The following UTP6 variants were observed in gnomAD, a reference collection of about 807,000 sequenced individuals.
The protein encoded by UTP6 is UTP6 small subunit processome component, also known as U3 small nucleolar RNA-associated protein 6 homolog.
In UTP6, 60 loss-of-function variants were observed where a neutral mutation model predicts 96.5. The observed-to-expected ratio is 0.62, with a 90% CI of 0.51 to 0.77. UTP6 has a LOEUF of 0.77. Among genes scored for constraint, UTP6 ranks in the 30% least tolerant of loss-of-function variants. The probability of loss-of-function intolerance (pLI) is 0.00; values close to 1 mark genes in which losing one functional copy is unlikely to be tolerated. For synonymous variants in UTP6, 215 were observed against 240.1 expected, an observed-to-expected ratio of 0.90 and a Z score of 0.96; for missense variants, 637 against 706.5, an observed-to-expected ratio of 0.90 and a Z score of 1.12.
intron 6 of UTP6, among the ~76,000 whole-genome samples, chr17:31,891,580 C>T (rs1911496355): frequency 6.6e-6 from 1 of 152,162 alleles, no homozygotes; most frequent in South Asian, 2.1e-4. Context: ...ATTTCTCTTA[C>T]AAAACATGAG....
intron 10 of UTP6, among the ~76,000 whole-genome samples, chr17:31,883,996 A>C (rs1376720015): frequency 8.5e-6 from 1 of 117,112 alleles, no homozygotes; most frequent in Non-Finnish European, 1.7e-5. Flanking sequence ...ACGTAATATG[A>C]TATTAATTTT....
At chr17:31,896,961 G>C (rs1235589763) in intron 2 of UTP6, among the ~76,000 whole-genome samples, 1 of 152,050 alleles carries the variant, frequency 6.6e-6, no homozygotes, top group Non-Finnish European at 1.5e-5. Flanking sequence ...TTTCTCTCAT[G>C]GTTTGTGCTT....
At chr17:31,886,174 GTC>G (rs1911131036) in intron 8 of UTP6, 113 bp from the exon 9 acceptor site, 1 of 813,048 alleles carries the variant, frequency 1.2e-6, no homozygotes, top group Non-Finnish European at 2.0e-6. Flanking sequence ...GGTAAATCAT[GTC>G]TCTCTCTCCG....
intron 2 of UTP6, among the ~76,000 whole-genome samples, chr17:31,898,875 T>C (rs1157783625): frequency 6.6e-6 from 1 of 152,070 alleles, no homozygotes; most frequent in African/African-American, 2.4e-5. Context: ...ACCCAGTCTC[T>C]ACTAAAAGTA....
Position 31,861,302 on chromosome 17 carries a change from TAATATTCTGAATATGTTTTTA to T in UTP6, c.*2036_*2056del, listed in dbSNP as rs1289362238. ...TTGCAACAAATGAGAAACAAGATAT[TAATATTCTGAATATGTTTTTA>T]AAAACTCTGGCCAGGCACAATGGCT... On this transcript the variant is annotated 3_prime_UTR_variant, in exon 19 of 19. Coordinates refer to ENST00000261708, the MANE Select transcript of UTP6 (RefSeq NM_018428.3). The T allele has an allele frequency of 1.3e-5, 2 of 151,994 alleles. No homozygotes were observed. Among genetic ancestry groups the T allele is most frequent in the Non-Finnish European group, 2.9e-5 (2 of 68,032 alleles). The allele number at this position is 151,994 out of a possible 1,614,324, so 9.4% of individuals were successfully genotyped here.
intron 8 of UTP6, among the ~76,000 whole-genome samples, chr17:31,886,418 C>T (rs972519677): frequency 2.0e-5 from 3 of 152,216 alleles, no homozygotes; most frequent in Non-Finnish European, 2.9e-5. Context: ...AATCCTAGCA[C>T]TTTGGGAAGC....
rs918179620 is a variant in UTP6, at chr17:31,861,020, C to T, written c.*2339G>A. 6 of 152,092 alleles carry T rather than the reference C, an allele frequency of 3.9e-5. No individual in the cohort carries two copies. The South Asian group carries it at 1.2e-3, about 32-fold the overall frequency. 9.4% of individuals were successfully genotyped at this position (152,092 alleles called of 1,614,324 possible). On this transcript the variant is annotated 3_prime_UTR_variant, in exon 19 of 19. Coordinates refer to ENST00000261708, the MANE Select transcript of UTP6 (RefSeq NM_018428.3). The stretch of plus-strand genomic sequence containing the variant: ...CTTGGGGAAAAAGAGTTGTTCTCAG[C>T]ACCAGGAAGAGCTTCCAAAGCATTT...
Position 31,895,762 on chromosome 17 carries a change from G to A in UTP6, c.178-751C>T, listed in dbSNP as rs187610238. Among the ~76,000 whole-genome samples the A allele has an allele frequency of 2.0e-4, 30 of 152,014 alleles. No homozygotes were observed. The East Asian group carries it at 4.7e-3, about 24-fold the overall frequency. On this transcript the variant is annotated intron_variant, in intron 2 of 18. Coordinates refer to ENST00000261708, the MANE Select transcript of UTP6 (RefSeq NM_018428.3). Reference sequence around the variant, plus strand: ...TTGGCTAGGCTGGTCTTGAACTCCCGACCTCGAGTGATCCACCCACCTTGG... The same window carrying A: ...TTGGCTAGGCTGGTCTTGAACTCCCAACCTCGAGTGATCCACCCACCTTGG...
chr17:31,875,435 T>C (rs1434670343), intron 13 of UTP6, 22 bp from the exon 14 acceptor site: 13 of 1,602,862 alleles, frequency 8.1e-6, no homozygotes, highest in Non-Finnish European at 1.1e-5. Flanking sequence ...GAAGGATGAC[T>C]GGAAAATTAA....
intron 17 of UTP6, chr17:31,866,817 A>G (rs138823788): frequency 0.1 from 14,821 of 142,148 alleles, 1,498 homozygotes; most frequent in African/African-American, 0.27. Flanking sequence ...CCTGGAAGGC[A>G]GAGGTTGCAG....
intron 16 of UTP6, among the ~76,000 whole-genome samples, chr17:31,870,056 G>GT (rs995964365): frequency 2.0e-5 from 3 of 151,878 alleles, no homozygotes; most frequent in Admixed American, 6.6e-5. Context: ...TTACCACATT[G>GT]TTTTTTTTCC....
rs1295621293 is a variant in UTP6 at position 31,893,430 on chromosome 17, C to CAA, written c.313-638_313-637dup. Among the ~76,000 whole-genome samples the CAA allele has an allele frequency of 1.7e-3, 88 of 50,494 alleles. 1 individual carries two copies. Among genetic ancestry groups the CAA allele is most frequent in the African/African-American group, 3.4e-3 (49 of 14,524 alleles). The allele number at this position is 50,494 out of a possible 152,430, so 33.1% of individuals were successfully genotyped here. A position where few individuals can be genotyped will look rare whatever the true frequency, so the allele number is the denominator to read the frequency against. ...TGGGTGACAGAGCAAGACTCCACCT[C>CAA]AAAAAAAAAAAAAAAAAAAAGCCAG... On this transcript the variant is annotated intron_variant, in intron 4 of 18. Transcript: ENST00000261708.
At chr17:31,893,430 C>CAAAAA (rs1295621293) in intron 4 of UTP6, among the ~76,000 whole-genome samples, 2 of 50,604 alleles carry the variant, frequency 4.0e-5, no homozygotes, top group Non-Finnish European at 4.1e-5. Flanking sequence ...GACTCCACCT[C>CAAAAA]AAAAAAAAAA....
chr17:31,898,525 CA>C (rs879824868), intron 2 of UTP6, among the ~76,000 whole-genome samples: 212 of 136,894 alleles, frequency 1.5e-3, no homozygotes, highest in Middle Eastern at 3.7e-3. Flanking sequence ...AACTCCATCT[CA>C]AAAAAAAAAA....
Position 31,884,451 on chromosome 17 carries a change from T to C in UTP6, c.758A>G (p.Lys253Arg), listed in dbSNP as rs903674967. The change falls in exon 10 of 19, where the codon AAA (lysine) becomes AGA (arginine). Residue 253 changes from lysine to arginine, a missense_variant. Lys to Arg is a conservative substitution (Grantham distance 26). Transcript: ENST00000261708. Reference sequence around the variant, plus strand: ...ATCATAAATCTCTTTTTGTAGATCTTTGGCAAAGTCAAATAGCTGTGCAAT... The same window carrying C: ...ATCATAAATCTCTTTTTGTAGATCTCTGGCAAAGTCAAATAGCTGTGCAAT... ...LSIAQLFDFA[K>R]DLQKEIYDDL... 1.2e-6 allele frequency: 2 copies of C among 1,612,188 alleles called. No individual in the cohort carries two copies. The highest frequency in any genetic ancestry group is 1.7e-5 in the Admixed American group (1 of 59,724).
rs1598088562 is a variant in UTP6, at chr17:31,861,644, A to C, written c.*1715T>G. 6.6e-6 allele frequency: 1 copy of C among 152,200 alleles called. No homozygotes were observed. Among genetic ancestry groups the C allele is most frequent in the African/African-American group, 2.4e-5 (1 of 41,454 alleles). The allele number at this position is 152,200 out of a possible 1,614,324, so 9.4% of individuals were successfully genotyped here. ...AAAAAAAAAAATTAACTCATAAATT[A>C]GTAAGAAAAAAAATTTTTAAATAGT... is the stretch of plus-strand genomic sequence containing the variant. On this transcript the variant is annotated 3_prime_UTR_variant, in exon 19 of 19. Coordinates refer to ENST00000261708, the MANE Select transcript of UTP6 (RefSeq NM_018428.3).
chr17:31,897,204 T>C (rs1032292476), intron 2 of UTP6, among the ~76,000 whole-genome samples: 7 of 152,170 alleles, frequency 4.6e-5, no homozygotes, highest in Admixed American at 2.6e-4. Context: ...GAGGATCATC[T>C]GAGCCTAGAA....
chr17:31,881,134 T>G (rs1176139119), intron 10 of UTP6, among the ~76,000 whole-genome samples: 1 of 150,426 alleles, frequency 6.6e-6, no homozygotes, highest in Non-Finnish European at 1.5e-5. Context: ...CGAGATCGCA[T>G]CACTCCAGCA....
chr17:31,876,779 A>G (rs956134472), intron 13 of UTP6, among the ~76,000 whole-genome samples: 2 of 152,228 alleles, frequency 1.3e-5, no homozygotes, highest in African/African-American at 4.8e-5. Flanking sequence ...TGGGAGGCCA[A>G]GGCAGGCAGA....
Sources: allele counts gnomAD v4.1 joint callset (sites outside exome capture counted in the v4.1 genomes callset), GRCh38; gene constraint gnomAD v4.1.1; transcripts MANE v1.5; gene names NCBI Gene and HGNC (gene_info 2026-07-23, HGNC 2026-07-21).